OLFM2: variants seen among roughly 807,000 people sequenced by gnomAD.
The protein encoded by OLFM2 is noelin-2.
OLFM2 carries 20 observed loss-of-function variants against 43.9 expected under a neutral mutation model. The observed-to-expected ratio is 0.46, with a 90% CI of 0.32 to 0.66. The LOEUF is 0.66. OLFM2 is among the 30% of genes least tolerant of loss of function. The probability of loss-of-function intolerance (pLI) is 0.04; values close to 1 mark genes in which losing one functional copy is unlikely to be tolerated. For missense variants in OLFM2, 416 were observed against 643.6 expected (o/e 0.65, Z 3.83); for synonymous variants, 268 against 278.6 (o/e 0.96, Z 0.38).
At chr19:9,925,365 A>G (rs1036521214) in intron 1 of OLFM2, among the ~76,000 whole-genome samples, 2 of 152,088 alleles carry the variant, frequency 1.3e-5, no homozygotes, top group Non-Finnish European at 2.9e-5. Context: ...AAAAATAGGA[A>G]CCCTTTGTGG....
At chr19:9,911,038 G>A (rs1350247442) in intron 1 of OLFM2, among the ~76,000 whole-genome samples, 14 of 152,010 alleles carry the variant, frequency 9.2e-5, no homozygotes, top group Non-Finnish European at 1.5e-5. Flanking sequence ...AATAATAGAT[G>A]GAGGGAAGGA....
intron 1 of OLFM2, among the ~76,000 whole-genome samples, chr19:9,928,292 A>T (rs2086464720): frequency 6.6e-6 from 1 of 152,118 alleles, no homozygotes; most frequent in Admixed American, 6.6e-5. Flanking sequence ...GGGATTCACC[A>T]GGACTCTCTT....
rs767544450 is a variant in OLFM2, at chr19:9,854,527, C to G, written c.1024G>C (p.Ala342Pro). 2 of 1,613,862 alleles carry G rather than the reference C, an allele frequency of 1.2e-6. No individual in the cohort carries two copies. The highest frequency in any genetic ancestry group is 3.3e-5 in the Admixed American group (2 of 60,020). Residue 342 changes from alanine to proline, a missense_variant, in exon 6 of 6, where the codon GCG becomes CCG. Transcript: ENST00000264833. This position sits in a 1 kb window ranked among gnomAD's most constrained non-coding sequence, Gnocchi z 9.5. ...AGCCGGCTGACCACGATGTTGCCCGCGTTCTGGTTGGTGGTGTACACAGCC... is the reference window on the plus strand; with the variant it reads ...AGCCGGCTGACCACGATGTTGCCCGGGTTCTGGTTGGTGGTGTACACAGCC... Reference protein sequence around the residue: ...LWAVYTTNQNAGNIVVSRLDP... With the variant: ...LWAVYTTNQNPGNIVVSRLDP...
intron 1 of OLFM2, among the ~76,000 whole-genome samples, chr19:9,906,988 G>C (rs527927896): frequency 9.2e-5 from 14 of 152,252 alleles, no homozygotes; most frequent in African/African-American, 2.6e-4. Context: ...GGTCCTAGAG[G>C]GACGCCCTCC....
intron 1 of OLFM2, among the ~76,000 whole-genome samples, chr19:9,909,216 C>G (rs755397447): frequency 1.3e-5 from 2 of 152,176 alleles, no homozygotes; most frequent in African/African-American, 2.4e-5. Context: ...AAATAGCACA[C>G]CCCTCCTCCA....
At position 9,874,505 on chromosome 19, in the gene OLFM2, G is replaced by C. The variant is rs1183393297; in HGVS notation, c.64-13711C>G. 6.6e-5 allele frequency among the ~76,000 whole-genome samples: 10 copies of C among 151,810 alleles called. 1 individual carries two copies. Among genetic ancestry groups the C allele is most frequent in the Admixed American group, 6.6e-4 (10 of 15,220 alleles). On this transcript the variant is annotated intron_variant, in intron 1 of 5. Coordinates refer to ENST00000264833, the MANE Select transcript of OLFM2 (RefSeq NM_058164.4). ...ATTTTATTTATTTATTTTTGAGATA[G>C]AGTCTCCCTCTGTCGCCCAGGCTGG...
chr19:9,928,421 G>A (rs2086465181), intron 1 of OLFM2, among the ~76,000 whole-genome samples: 1 of 152,010 alleles, frequency 6.6e-6, no homozygotes, highest in Non-Finnish European at 1.5e-5. Flanking sequence ...AGCAAGGCTA[G>A]TTACTAGCTG....
chr19:9,913,731 C>A, intron 1 of OLFM2: 1 of 1,022,852 alleles, frequency 9.8e-7, no homozygotes, highest in Non-Finnish European at 1.2e-6. Flanking sequence ...GGGGAGGGGG[C>A]ACGAGCGCGA....
intron 1 of OLFM2, among the ~76,000 whole-genome samples, chr19:9,868,157 G>A (rs2046417063): frequency 6.6e-6 from 1 of 151,972 alleles, no homozygotes; most frequent in Non-Finnish European, 1.5e-5. Flanking sequence ...CCACCTCGAG[G>A]GTTCAAGTGA....
intron 1 of OLFM2, among the ~76,000 whole-genome samples, chr19:9,895,974 C>A (rs2046679458): frequency 1.3e-5 from 2 of 152,056 alleles, no homozygotes; most frequent in African/African-American, 4.8e-5. Flanking sequence ...TCCTTTTATT[C>A]TTAGGATAGA....
At chr19:9,914,070 C>T (rs1279425522) in intron 1 of OLFM2, among the ~76,000 whole-genome samples, 13 of 151,328 alleles carry the variant, frequency 8.6e-5, no homozygotes, top group Admixed American at 8.5e-4. Flanking sequence ...CCCAGCCCCG[C>T]CCCCCAACGG....
intron 1 of OLFM2, among the ~76,000 whole-genome samples, chr19:9,882,725 C>G (rs115329588): frequency 2.0e-5 from 3 of 151,060 alleles, no homozygotes. Context: ...GCCTGGGCAA[C>G]GTAGTGAGAC....
chr19:9,854,354 G>C lies in OLFM2; in HGVS notation c.1197C>G (p.Asn399Lys), dbSNP rs1217818117. The change falls in exon 6 of 6, where the codon AAC becomes AAG. Residue 399 changes from asparagine to lysine, a missense_variant. Physicochemically the swap from Asn to Lys is moderately conservative, Grantham distance 94 (BLOSUM62 0). Transcript: ENST00000264833. The surrounding 1 kb of genome is among the most constrained non-coding windows in gnomAD (Gnocchi z 9.5). Reference sequence around the variant, plus strand: ...CGTCCGTGTACTCGTAACTGGACGTGTTGGTAAAATAGGCGAAGTAGACCT... The same window carrying C: ...CGTCCGTGTACTCGTAACTGGACGTCTTGGTAAAATAGGCGAAGTAGACCT... The part of the protein sequence containing the change: ...GAKVYFAYFT[N>K]TSSYEYTDVP... 6.2e-7 allele frequency: 1 copy of C among 1,614,256 alleles called. No individual in the cohort carries two copies. Among genetic ancestry groups the C allele is most frequent in the Non-Finnish European group, 8.5e-7 (1 of 1,180,044 alleles).
intron 1 of OLFM2, among the ~76,000 whole-genome samples, chr19:9,923,684 G>C (rs577369509): frequency 0.011 from 1,691 of 150,300 alleles, 33 homozygotes; most frequent in African/African-American, 0.039. Flanking sequence ...GAAAAGAAAA[G>C]AAAGAAAAAA....
At chr19:9,925,056 A>T (rs916669105) in intron 1 of OLFM2, among the ~76,000 whole-genome samples, 1 of 152,074 alleles carries the variant, frequency 6.6e-6, no homozygotes, top group Non-Finnish European at 1.5e-5. Context: ...TGAGCCCAGG[A>T]GTTGGAGACC....
chr19:9,863,586 G>A (rs1343611951), intron 1 of OLFM2, among the ~76,000 whole-genome samples: 1 of 151,880 alleles, frequency 6.6e-6, no homozygotes, highest in Non-Finnish European at 1.5e-5. Flanking sequence ...GAGAAACAAA[G>A]CACCACAATC....
intron 1 of OLFM2, among the ~76,000 whole-genome samples, chr19:9,890,965 G>GA (rs1383797331): frequency 6.6e-6 from 1 of 150,756 alleles, no homozygotes; most frequent in East Asian, 2.0e-4. Context: ...AAACAACGAA[G>GA]AAAAAAAGAG....
intron 1 of OLFM2, among the ~76,000 whole-genome samples, chr19:9,932,017 T>A (rs1328971477): frequency 2.0e-5 from 3 of 152,184 alleles, no homozygotes; most frequent in Non-Finnish European, 2.9e-5. Flanking sequence ...ATTCAGCAGA[T>A]ATTTCTTGAG....
At chr19:9,900,104 C>T (rs1463270839) in intron 1 of OLFM2, among the ~76,000 whole-genome samples, 4 of 152,022 alleles carry the variant, frequency 2.6e-5, no homozygotes, top group Non-Finnish European at 5.9e-5. Context: ...TGTGAGATCC[C>T]CTGCATTCCT....
Sources: allele counts gnomAD v4.1 joint callset (sites outside exome capture counted in the v4.1 genomes callset), GRCh38; gene constraint gnomAD v4.1.1; non-coding constraint Gnocchi (gnomAD v3.1); transcripts MANE v1.5; gene names NCBI Gene and HGNC (gene_info 2026-07-23, HGNC 2026-07-21).